The following EIF2B1 variants were observed in gnomAD, a reference collection of about 807,000 sequenced individuals.
EIF2B1 encodes the protein eukaryotic translation initiation factor 2B subunit alpha, also known as translation initiation factor eIF2B subunit alpha.
A neutral mutation model predicts 36.8 loss-of-function variants in EIF2B1; 30 were observed. The observed-to-expected ratio is 0.81, with a 90% CI of 0.61 to 1.10. The LOEUF (loss-of-function observed/expected upper bound fraction) is 1.10, where lower values mean the gene tolerates loss of function less well. EIF2B1 is among the 50% of genes least tolerant of loss of function. The probability of loss-of-function intolerance (pLI) is 0.00; values close to 1 mark genes in which losing one functional copy is unlikely to be tolerated. For missense variants in EIF2B1, 271 were observed against 374.8 expected (o/e 0.72, Z 2.29); for synonymous variants, 139 against 142.2 (o/e 0.98, Z 0.16).
chr12:123,623,327 A>G (rs1046412262), intron 7 of EIF2B1, among the ~76,000 whole-genome samples: 20 of 152,140 alleles, frequency 1.3e-4, no homozygotes, highest in African/African-American at 3.1e-4. Context: ...TGGAGGTTGC[A>G]GTGAGCCAAG....
chr12:123,630,836 T>C lies in EIF2B1; in HGVS notation c.116-303A>G, dbSNP rs1015052838. 6.6e-6 allele frequency among the ~76,000 whole-genome samples: 1 copy of C among 152,048 alleles called. No homozygotes were observed. Among genetic ancestry groups the C allele is most frequent in the Non-Finnish European group, 1.5e-5 (1 of 68,000 alleles). On this transcript the variant is annotated intron_variant, in intron 2 of 8. Transcript: ENST00000424014. This position sits in a 1 kb window ranked among gnomAD's most constrained non-coding sequence, Gnocchi z 4.6. ...GGGAGGCTGAGGCATGGAAAGACAT[T>C]AAGTAGCAGCGGCAGATGAGGTCTG...
intron 4 of EIF2B1, among the ~76,000 whole-genome samples, chr12:123,629,279 G>C (rs1955170666): frequency 1.3e-5 from 2 of 152,148 alleles, no homozygotes; most frequent in African/African-American, 4.8e-5. Flanking sequence ...GGTTCAACTT[G>C]CACCTCCTGT....
rs1955114340 is a variant in EIF2B1, at chr12:123,622,762, C to G, written c.628-1G>C. ...ACACAGCCATCTGGTTGGTTCCAAT[C>G]TGGGAAGGCAGAAAATGGAATGGAT... On this transcript the variant is annotated splice_acceptor_variant, in intron 7 of 8. Transcript: ENST00000424014. LOFTEE classifies it high-confidence loss of function. 1.2e-6 allele frequency: 2 copies of G among 1,613,694 alleles called. No individual in the cohort carries two copies. The highest frequency in any genetic ancestry group is 1.3e-5 in the African/African-American group (1 of 74,918).
At position 123,632,329 on chromosome 12, in the gene EIF2B1, A is replaced by G; in HGVS notation, c.115+16T>C. 1 of 1,517,944 alleles carries G rather than the reference A, an allele frequency of 6.6e-7. No individual in the cohort carries two copies. The highest frequency in any genetic ancestry group is 1.1e-5 in the South Asian group (1 of 89,164). 94.0% of individuals were successfully genotyped at this position (1,517,944 alleles called of 1,614,324 possible). On this transcript the variant is annotated intron_variant, in intron 2 of 8. Transcript: ENST00000424014. ...ATCCTAAGTCCCAGAGTGTTAACAG[A>G]TGACTCTCTATATACCTTTATCTCT...
chr12:123,626,138 A>C, intron 6 of EIF2B1: 1 of 428,676 alleles, frequency 2.3e-6, no homozygotes, highest in Non-Finnish European at 4.3e-6. Flanking sequence ...ATCTCAAAAA[A>C]ACAAAAAACA....
rs764082686 is a variant in EIF2B1, at chr12:123,633,614, G to C, written c.-57C>G. On this transcript the variant is annotated 5_prime_UTR_variant, in exon 1 of 9. Coordinates refer to ENST00000424014, the MANE Select transcript of EIF2B1 (RefSeq NM_001414.4). ...CCGAGCCGCCCGCGCTGTCTCGAAC[G>C]GGTCCGCCGGCCGCGCCGCCTGCGA... 23 of 1,599,660 alleles carry C rather than the reference G, an allele frequency of 1.4e-5. No individual in the cohort carries two copies. The South Asian group carries it at 1.5e-4, about 11-fold the overall frequency.
intron 1 of EIF2B1, 142 bp from the exon 2 acceptor site, chr12:123,632,588 T>G: frequency 1.5e-6 from 1 of 684,728 alleles, no homozygotes; most frequent in Non-Finnish European, 2.6e-6. Flanking sequence ...AGGGATGCAA[T>G]AAATGTTGAT....
chr12:123,632,774 G>A lies in EIF2B1; in HGVS notation c.14-328C>T, dbSNP rs371190954. ...ATCCCGGCTAAAACGGTGAAACCCC[G>A]TCTCTACTAAAAATACAAAAAATTA... On this transcript the variant is annotated intron_variant, in intron 1 of 8. Coordinates refer to ENST00000424014, the MANE Select transcript of EIF2B1 (RefSeq NM_001414.4). Among the ~76,000 whole-genome samples, 99 of 151,698 alleles carry A rather than the reference G, an allele frequency of 6.5e-4. 2 individuals carry two copies. In the South Asian group the frequency reaches 0.011, roughly 17 times the overall value.
At chr12:123,627,209 C>T (rs1566215957) in intron 4 of EIF2B1, 53 bp from the exon 5 acceptor site, 2 of 1,372,096 alleles carry the variant, frequency 1.5e-6, no homozygotes, top group Non-Finnish European at 2.1e-6. Context: ...TGCTCACTCA[C>T]ACCCTCTGCA....
chr12:123,621,745 G>C lies in EIF2B1; in HGVS notation c.*11C>G, dbSNP rs774951984. 2 of 1,613,208 alleles carry C rather than the reference G, an allele frequency of 1.2e-6. No homozygotes were observed. The highest frequency in any genetic ancestry group is 2.2e-5 in the South Asian group (2 of 91,004). ...ACGTAAGCTGCACCTTGGCAGGAAA[G>C]GGCTCACAGGTTACAGATAGAGCTT... On this transcript the variant is annotated 3_prime_UTR_variant, in exon 9 of 9. Transcript: ENST00000424014.
rs1163568329 is a variant in EIF2B1 at position 123,620,671 on chromosome 12, A to G, written c.*1085T>C. The G allele has an allele frequency of 2.1e-5, 3 of 142,680 alleles. No individual in the cohort carries two copies. Among genetic ancestry groups the G allele is most frequent in the Non-Finnish European group, 4.6e-5 (3 of 65,392 alleles). The allele number at this position is 142,680 out of a possible 1,614,324, so 8.8% of individuals were successfully genotyped here. ...CTATTTTATAGTTATTTTTAAACAT[A>G]AAGATACAGAAGTCTTCTTGACTTC... On this transcript the variant is annotated 3_prime_UTR_variant, in exon 9 of 9. Transcript: ENST00000424014.
chr12:123,631,901 G>C (rs181731805), intron 2 of EIF2B1, among the ~76,000 whole-genome samples: 1 of 148,254 alleles, frequency 6.7e-6, no homozygotes, highest in African/African-American at 2.5e-5. Flanking sequence ...TTGAACTTGA[G>C]AGGCAGAGGT....
chr12:123,620,576 CATATTAT>C lies in EIF2B1; in HGVS notation c.*1173_*1179del, dbSNP rs1336373907. 6.7e-5 allele frequency: 4 copies of C among 59,658 alleles called. No homozygotes were observed. Among genetic ancestry groups the C allele is most frequent in the Admixed American group, 4.4e-4 (2 of 4,568 alleles). The allele number at this position is 59,658 out of a possible 1,614,324, so 3.7% of individuals were successfully genotyped here. A position where few individuals can be genotyped will look rare whatever the true frequency, so the allele number is the denominator to read the frequency against. On this transcript the variant is annotated 3_prime_UTR_variant, in exon 9 of 9. Coordinates refer to ENST00000424014, the MANE Select transcript of EIF2B1 (RefSeq NM_001414.4). ...GATGGGTCACATATAGACATATGTA[CATATTAT>C]ATATATATATATATATATATATATA... is the stretch of plus-strand genomic sequence containing the variant.
intron 4 of EIF2B1, among the ~76,000 whole-genome samples, chr12:123,629,890 A>G (rs1955175176): frequency 6.6e-6 from 1 of 152,190 alleles, no homozygotes; most frequent in Admixed American, 6.5e-5. Context: ...CTCTAATAAC[A>G]AGACCTACAT....
At position 123,630,724 on chromosome 12, in the gene EIF2B1, T is replaced by C. The variant is rs139642766; in HGVS notation, c.116-191A>G. ...TGCTGTGATGGAGTTTTGATTGTAA[T>C]AGAGGAAGCGGATAGTAAACAAGCA... On this transcript the variant is annotated intron_variant, in intron 2 of 8. Transcript: ENST00000424014. The surrounding 1 kb of genome is among the most constrained non-coding windows in gnomAD (Gnocchi z 4.6). Among the ~76,000 whole-genome samples the C allele has an allele frequency of 1.7e-3, 261 of 152,298 alleles. 1 individual carries two copies. The Middle Eastern group carries it at 0.02, about 12-fold the overall frequency.
chr12:123,629,074 T>C (rs1593781692), intron 4 of EIF2B1, among the ~76,000 whole-genome samples: 1 of 152,190 alleles, frequency 6.6e-6, no homozygotes, highest in Non-Finnish European at 1.5e-5. Flanking sequence ...TCTACAAGTT[T>C]CACTCACATC....
In EIF2B1 at chr12:123,621,270, G is replaced by T; in HGVS notation, c.*486C>A. On this transcript the variant is annotated 3_prime_UTR_variant, in exon 9 of 9. Transcript: ENST00000424014. ...GTTTGGCTTGATCCTGCTGAGGAAT[G>T]TGCTTACCACTGGAAGCCAGATGCA... 1 of 247,424 alleles carries T rather than the reference G, an allele frequency of 4.0e-6. No individual in the cohort carries two copies. Among genetic ancestry groups the T allele is most frequent in the Non-Finnish European group, 8.0e-6 (1 of 124,854 alleles). 15.3% of individuals were successfully genotyped at this position (247,424 alleles called of 1,614,324 possible).
At position 123,622,884 on chromosome 12, in the gene EIF2B1, T is replaced by C. The variant is rs1293308279; in HGVS notation, c.628-123A>G. ...CAGCATTTTGGGAGGCCGAGGTGGG[T>C]GGATCACCTGAACCCATGAGTTTGG... On this transcript the variant is annotated intron_variant, in intron 7 of 8. Coordinates refer to ENST00000424014, the MANE Select transcript of EIF2B1 (RefSeq NM_001414.4). 1.0e-5 allele frequency: 15 copies of C among 1,434,342 alleles called. No individual in the cohort carries two copies. In the East Asian group the frequency reaches 3.0e-4, roughly 29 times the overall value. 88.9% of individuals were successfully genotyped at this position (1,434,342 alleles called of 1,614,324 possible).
chr12:123,632,026 T>C (rs1189899885), intron 2 of EIF2B1, among the ~76,000 whole-genome samples: 4 of 151,442 alleles, frequency 2.6e-5, no homozygotes, highest in South Asian at 4.2e-4. Flanking sequence ...TCCTAGCACT[T>C]TGGGAGGCCA....
Sources: allele counts gnomAD v4.1 joint callset (sites outside exome capture counted in the v4.1 genomes callset), GRCh38; gene constraint gnomAD v4.1.1; non-coding constraint Gnocchi (gnomAD v3.1); transcripts MANE v1.5; gene names NCBI Gene and HGNC (gene_info 2026-07-23, HGNC 2026-07-21).